The following BCAS3 variants were observed in gnomAD, a reference collection of about 807,000 sequenced individuals.
BCAS3 encodes the protein BCAS4/BCAS3 fusion.
A neutral mutation model predicts 116.1 loss-of-function variants in BCAS3; 53 were observed. The observed-to-expected ratio is 0.46, with a 90% CI of 0.37 to 0.57. The LOEUF (loss-of-function observed/expected upper bound fraction) is 0.57, where lower values mean the gene tolerates loss of function less well. Among genes scored for constraint, BCAS3 ranks in the 20% least tolerant of loss-of-function variants. The pLI is 0.00. For synonymous variants in BCAS3, 391 were observed against 408.2 expected (o/e 0.96, Z 0.51); for missense variants, 917 against 1,165.4 (o/e 0.79, Z 3.10).
At position 61,176,525 on chromosome 17, in the gene BCAS3, CTATTTATTTATTTATT is replaced by C. The variant is rs139505219; in HGVS notation, c.2425+91989_2425+92004del. Among the ~76,000 whole-genome samples the C allele has an allele frequency of 5.6e-3, 809 of 145,582 alleles. 2 individuals carry two copies. The highest frequency in any genetic ancestry group is 1.0e-2 in the Non-Finnish European group (665 of 66,566). On this transcript the variant is annotated intron_variant, in intron 22 of 23. Coordinates refer to ENST00000407086, the MANE Select transcript of BCAS3 (RefSeq NM_017679.5). ...TGACAGGTTGAAAATTGTGTAATGTCTATTTATTTATTTATTTATTTATTTATTTATTTATTTATTT... is the reference window on the plus strand; with the variant it reads ...TGACAGGTTGAAAATTGTGTAATGTCTATTTATTTATTTATTTATTTATTT...
chr17:60,856,863 C>G (rs2053722842), intron 7 of BCAS3, among the ~76,000 whole-genome samples: 2 of 152,094 alleles, frequency 1.3e-5, no homozygotes, highest in Admixed American at 6.5e-5. Flanking sequence ...ATAAAAGAAG[C>G]ATTTTTTGAA....
intron 11 of BCAS3, among the ~76,000 whole-genome samples, chr17:60,909,070 C>G (rs913854491): frequency 2.0e-5 from 3 of 152,098 alleles, no homozygotes; most frequent in African/African-American, 7.2e-5. Flanking sequence ...TCGATTTTCT[C>G]TTTCATAAAA....
chr17:60,952,010 G>A (rs1266840371), intron 14 of BCAS3, among the ~76,000 whole-genome samples: 1 of 151,796 alleles, frequency 6.6e-6, no homozygotes, highest in Middle Eastern at 3.2e-3. Context: ...GACCTCAGGT[G>A]ATGCACCCGC....
chr17:61,340,276 A>G (rs1447996730), intron 22 of BCAS3, among the ~76,000 whole-genome samples: 1 of 147,568 alleles, frequency 6.8e-6, no homozygotes, highest in Non-Finnish European at 1.5e-5. Flanking sequence ...GGGCTGGTGC[A>G]TACATGGAGG....
chr17:60,959,361 A>T (rs2061306197), intron 14 of BCAS3, among the ~76,000 whole-genome samples: 1 of 152,082 alleles, frequency 6.6e-6, no homozygotes, highest in Non-Finnish European at 1.5e-5. Context: ...TTTCTATTCC[A>T]AAGCCCATTA....
chr17:61,128,215 G>A lies in BCAS3; in HGVS notation c.2425+43651G>A. On this transcript the variant is annotated intron_variant, in intron 22 of 23. Coordinates refer to ENST00000407086, the MANE Select transcript of BCAS3 (RefSeq NM_017679.5). The surrounding 1 kb of genome is among the most constrained non-coding windows in gnomAD (Gnocchi z 4.1). ...CAGGAATAGTGTGAGTCAAGGATGA[G>A]TACATGAAGATGAAGCCCATGCAAT... 2.0e-6 allele frequency: 2 copies of A among 985,442 alleles called. No homozygotes were observed. Among genetic ancestry groups the A allele is most frequent in the Non-Finnish European group, 2.4e-6 (2 of 829,914 alleles). 61.0% of individuals were successfully genotyped at this position (985,442 alleles called of 1,614,324 possible).
intron 19 of BCAS3, among the ~76,000 whole-genome samples, chr17:61,046,032 TA>T (rs1359226338): frequency 7.4e-5 from 1 of 13,518 alleles, no homozygotes; most frequent in Non-Finnish European, 1.1e-4. Context: ...ATTATATATA[TA>T]TTTATATATA....
chr17:61,102,175 A>T (rs2074368923), intron 22 of BCAS3, among the ~76,000 whole-genome samples: 1 of 152,174 alleles, frequency 6.6e-6, no homozygotes, highest in Admixed American at 6.5e-5. Context: ...GGTTGTGATC[A>T]TGAAAATTAA....
intron 22 of BCAS3, among the ~76,000 whole-genome samples, chr17:61,121,961 A>T (rs571765683): frequency 2.6e-5 from 4 of 152,256 alleles, no homozygotes; most frequent in Admixed American, 1.3e-4. Flanking sequence ...AACTCCTGAC[A>T]TCGTGATCCA....
chr17:61,192,669 A>T (rs1345594508), intron 22 of BCAS3, among the ~76,000 whole-genome samples: 2 of 152,214 alleles, frequency 1.3e-5, no homozygotes, highest in Non-Finnish European at 2.9e-5. Flanking sequence ...ACACAGTGGC[A>T]GTTTACCACT....
intron 6 of BCAS3, among the ~76,000 whole-genome samples, chr17:60,782,429 C>A (rs2045915756): frequency 6.6e-6 from 1 of 152,016 alleles, no homozygotes; most frequent in South Asian, 2.1e-4. Flanking sequence ...GATTACAAAC[C>A]AATTAATTAT....
intron 5 of BCAS3, among the ~76,000 whole-genome samples, chr17:60,744,681 A>T (rs555943191): frequency 1.3e-5 from 2 of 152,110 alleles, no homozygotes; most frequent in Non-Finnish European, 2.9e-5. Flanking sequence ...ATGTGACACA[A>T]TGTTTCCTCT....
chr17:60,680,008 C>T (rs1035744157), intron 2 of BCAS3, among the ~76,000 whole-genome samples: 7 of 151,542 alleles, frequency 4.6e-5, no homozygotes, highest in Admixed American at 4.6e-4. Context: ...TATGGTGGCC[C>T]CTGTAGTCCC....
intron 13 of BCAS3, among the ~76,000 whole-genome samples, chr17:60,941,280 C>G (rs1359345299): frequency 6.6e-6 from 1 of 152,154 alleles, no homozygotes; most frequent in African/African-American, 2.4e-5. Context: ...GGCTTGGCAC[C>G]TCATTTGGGG....
intron 22 of BCAS3, among the ~76,000 whole-genome samples, chr17:61,114,023 T>G (rs2075267282): frequency 6.6e-6 from 1 of 151,562 alleles, no homozygotes; most frequent in South Asian, 2.1e-4. Context: ...AAAAGGCCTT[T>G]GACAGAATTC....
intron 20 of BCAS3, among the ~76,000 whole-genome samples, 196 bp downstream of exon 20, chr17:61,075,216 A>T (rs1398233153): frequency 6.6e-6 from 1 of 152,160 alleles, no homozygotes; most frequent in Non-Finnish European, 1.5e-5. Context: ...TATACATTAT[A>T]CGTGTGTGTA....
At chr17:60,757,992 C>T (rs1386221349) in intron 6 of BCAS3, among the ~76,000 whole-genome samples, 2 of 151,936 alleles carry the variant, frequency 1.3e-5, no homozygotes, top group African/African-American at 4.8e-5. Flanking sequence ...ATTGAATTTC[C>T]CCAGCACCAT....
At chr17:60,896,714 T>A (rs768450373) in intron 10 of BCAS3, among the ~76,000 whole-genome samples, 2 of 152,118 alleles carry the variant, frequency 1.3e-5, no homozygotes, top group Non-Finnish European at 2.9e-5. Context: ...AGTCTACATA[T>A]GTCTTTATGG....
At chr17:60,679,886 C>T (rs1173521369) in intron 2 of BCAS3, among the ~76,000 whole-genome samples, 1 of 151,964 alleles carries the variant, frequency 6.6e-6, no homozygotes, top group East Asian at 1.9e-4. Flanking sequence ...TGCCTGTAAT[C>T]CCAGCACTTT....
Sources: gnomAD v4.1 joint callset for allele counts (sites outside exome capture counted in the v4.1 genomes callset) on GRCh38, gnomAD v4.1.1 for gene constraint, Gnocchi (gnomAD v3.1) non-coding constraint, MANE v1.5 for transcripts, NCBI Gene and HGNC (gene_info 2026-07-23, HGNC 2026-07-21) for gene names.